The following CDHR3 variants were observed in gnomAD, a reference collection of about 807,000 sequenced individuals.
The protein encoded by CDHR3 is cadherin-related family member 3.
A neutral mutation model predicts 86.6 loss-of-function variants in CDHR3; 79 were observed. The observed-to-expected ratio is 0.91, with a 90% confidence interval of 0.76 to 1.10. The LOEUF (loss-of-function observed/expected upper bound fraction) is 1.10. Among genes scored for constraint, CDHR3 ranks in the 50% least tolerant of loss-of-function variants. The pLI is 0.00. For missense variants in CDHR3, 1,081 were observed against 1,077.6 expected (o/e 1.00, Z -0.04); for synonymous variants, 421 against 402.4 (o/e 1.05, Z -0.55).
chr7:105,965,481 G>A (rs2528888), intron 1 of CDHR3, among the ~76,000 whole-genome samples: 39,359 of 149,666 alleles, frequency 0.26, 5,795 homozygotes, highest in East Asian at 0.68. Flanking sequence ...CTCAAAATAA[G>A]TAAATAAATA....
intron 16 of CDHR3, 22 bp from the exon 17 acceptor site, chr7:106,028,529 C>G (rs1458096567): frequency 6.2e-7 from 1 of 1,613,778 alleles, no homozygotes. Flanking sequence ...AGCTTAACTT[C>G]TGCCTGTTCT....
chr7:106,012,822 T>C, intron 8 of CDHR3, 38 bp from the exon 9 acceptor site: 1 of 1,555,618 alleles, frequency 6.4e-7, no homozygotes, highest in Non-Finnish European at 8.7e-7. Flanking sequence ...TCGATTACCA[T>C]TTATTGGGGG....
At chr7:105,981,277 A>C in intron 3 of CDHR3, 144 bp downstream of exon 3, 1 of 759,062 alleles carries the variant, frequency 1.3e-6, no homozygotes, top group Non-Finnish European at 2.1e-6. Flanking sequence ...GAATAAATGA[A>C]ATGTCCTCCA....
At position 106,020,404 on chromosome 7, in the gene CDHR3, A is replaced by G. The variant is rs758389243; in HGVS notation, c.1685A>G (p.Glu562Gly). 50 of 1,613,436 alleles carry G rather than the reference A, an allele frequency of 3.1e-5. No homozygotes were observed. Among genetic ancestry groups the G allele is most frequent in the Non-Finnish European group, 4.1e-5 (48 of 1,179,676 alleles). Residue 562 changes from glutamate to glycine, a missense_variant, in exon 13 of 19, where the codon GAA becomes GGA. Physicochemically the swap from Glu to Gly is moderately conservative, Grantham distance 98. Coordinates refer to ENST00000317716, the MANE Select transcript of CDHR3 (RefSeq NM_152750.5). ...VTVNILEEND[E>G]KPICTPNSYF... is the part of the protein sequence containing the mutation. ...GTGAACATCCTTGAAGAAAATGATG[A>G]AAAGCCAATTTGTACTCCAAACTCT...
rs774421064 is a variant in CDHR3, at chr7:106,022,219, C to A, written c.1847C>A (p.Thr616Asn). The A allele has an allele frequency of 6.2e-7, 1 of 1,614,032 alleles. No individual in the cohort carries two copies. The highest frequency in any genetic ancestry group is 1.7e-5 in the Admixed American group (1 of 60,022). Residue 616 changes from threonine to asparagine, a missense_variant, in exon 14 of 19, where the codon ACC (threonine) becomes AAC (asparagine). Coordinates refer to ENST00000317716, the MANE Select transcript of CDHR3 (RefSeq NM_152750.5). ...IGPGNVNNHF[T>N]FSPNAGSNVT... is the part of the protein sequence containing the mutation. ...TTAGGTAACGTCAACAATCATTTCA[C>A]CTTCTCTCCCAATGCTGGTTCCAAT...
rs891768973 is a variant in CDHR3, at chr7:105,976,976, T to A, written c.249+1930T>A. ...AGGCTCCAAGGCACATTCACATACC[T>A]GATCTCTTTTTTTTTTTTTTTTTTG... On this transcript the variant is annotated intron_variant, in intron 2 of 18. Coordinates refer to ENST00000317716, the MANE Select transcript of CDHR3 (RefSeq NM_152750.5). Among the ~76,000 whole-genome samples, 3 of 145,042 alleles carry A rather than the reference T, an allele frequency of 2.1e-5. No homozygotes were observed. In the South Asian group the frequency reaches 6.5e-4, roughly 31 times the overall value.
intron 14 of CDHR3, 118 bp from the exon 15 acceptor site, chr7:106,024,263 C>T: frequency 2.3e-6 from 2 of 858,614 alleles, no homozygotes; most frequent in Non-Finnish European, 3.6e-6. Flanking sequence ...ACACAGATGT[C>T]CAACTTATAG....
At chr7:106,014,982 T>C (rs1448444971) in intron 9 of CDHR3, 129 bp from the exon 10 acceptor site, 1 of 651,976 alleles carries the variant, frequency 1.5e-6, no homozygotes, top group Non-Finnish European at 2.6e-6. Context: ...CTAATTTTTA[T>C]GGGCAAAGTG....
chr7:106,018,522 C>G (rs1007606350), intron 12 of CDHR3, among the ~76,000 whole-genome samples: 4 of 152,184 alleles, frequency 2.6e-5, no homozygotes, highest in African/African-American at 9.7e-5. Flanking sequence ...AGGCGTGAGC[C>G]ACTGCACCCA....
At chr7:105,981,936 A>G (rs1388142284) in intron 3 of CDHR3, among the ~76,000 whole-genome samples, 1 of 152,092 alleles carries the variant, frequency 6.6e-6, no homozygotes, top group Non-Finnish European at 1.5e-5. Flanking sequence ...CCAGCTTCTA[A>G]ATATACCCAG....
At chr7:105,974,215 C>T (rs1389903450) in intron 1 of CDHR3, among the ~76,000 whole-genome samples, 1 of 152,220 alleles carries the variant, frequency 6.6e-6, no homozygotes, top group African/African-American at 2.4e-5. Flanking sequence ...CATGCCATCC[C>T]TGAGCCTCTT....
rs912097151 is a variant in CDHR3 at position 106,032,796 on chromosome 7, T to C, written c.*99T>C. On this transcript the variant is annotated 3_prime_UTR_variant, in exon 19 of 19. Transcript: ENST00000317716. ...ATGGTGTAGGGGGGAAAATGTGGGC[T>C]GAGGGGATTCAGACATCCAGGGTCA... 3 of 1,289,988 alleles carry C rather than the reference T, an allele frequency of 2.3e-6. No homozygotes were observed. The highest frequency in any genetic ancestry group is 3.1e-6 in the Non-Finnish European group (3 of 953,428). 79.9% of individuals were successfully genotyped at this position (1,289,988 alleles called of 1,614,324 possible). A position where few individuals can be genotyped will look rare whatever the true frequency, so the allele number is the denominator to read the frequency against.
chr7:105,972,107 T>A (rs1395907116), intron 1 of CDHR3, among the ~76,000 whole-genome samples: 1 of 151,986 alleles, frequency 6.6e-6, no homozygotes, highest in Non-Finnish European at 1.5e-5. Context: ...TGGTATAATC[T>A]CAGATGTGTG....
chr7:105,968,860 G>A (rs1215007975), intron 1 of CDHR3, among the ~76,000 whole-genome samples: 2 of 151,970 alleles, frequency 1.3e-5, no homozygotes, highest in African/African-American at 4.8e-5. Context: ...AGGCTGAGAC[G>A]GGCAGATCAT....
At chr7:105,976,572 C>G (rs897290700) in intron 2 of CDHR3, among the ~76,000 whole-genome samples, 1 of 152,184 alleles carries the variant, frequency 6.6e-6, no homozygotes, top group Admixed American at 6.5e-5. Context: ...TTTCATCACC[C>G]CAAAACAAAA....
chr7:105,993,894 G>A (rs1831779820), intron 4 of CDHR3, among the ~76,000 whole-genome samples: 1 of 152,108 alleles, frequency 6.6e-6, no homozygotes, highest in South Asian at 2.1e-4. Context: ...TCAGATCAAG[G>A]AGATCTGGGC....
In CDHR3 at chr7:106,018,052, G is replaced by A. The variant is rs757473628; in HGVS notation, c.1633G>A (p.Glu545Lys). 16 of 1,613,590 alleles carry A rather than the reference G, an allele frequency of 9.9e-6. No homozygotes were observed. The highest frequency in any genetic ancestry group is 6.7e-5 in the Admixed American group (4 of 60,000). The change falls in exon 12 of 19, where the codon GAA becomes AAA. Residue 545 changes from glutamate to lysine, a missense_variant. Coordinates refer to ENST00000317716, the MANE Select transcript of CDHR3 (RefSeq NM_152750.5). ...TCTCAGAATCCAGGCCACCAACAAC[G>A]AAGACACAAGCTCTGTCACTGTGAG... is the stretch of plus-strand genomic sequence containing the variant. ...YILRIQATNN[E>K]DTSSVTVTVN...
chr7:105,971,808 G>A (rs956958840), intron 1 of CDHR3, among the ~76,000 whole-genome samples: 1 of 152,108 alleles, frequency 6.6e-6, no homozygotes, highest in Non-Finnish European at 1.5e-5. Context: ...TTCTACCTGA[G>A]CTCACACCAC....
In CDHR3 at chr7:105,974,994, A is replaced by G. The variant is rs1585515685; in HGVS notation, c.197A>G (p.Asn66Ser). The G allele has an allele frequency of 6.2e-7, 1 of 1,613,894 alleles. No individual in the cohort carries two copies. The highest frequency in any genetic ancestry group is 2.2e-5 in the East Asian group (1 of 44,870). ...GGATTTCCCCAGATAGTCAACTCAA[A>G]TCCCCTCACTGAAGCTTTTAGGGTG... The part of the protein sequence containing the change: ...IPGFPQIVNS[N>S]PLTEAFRVNW... The change falls in exon 2 of 19, where the codon AAT (asparagine) becomes AGT (serine). Residue 66 changes from asparagine (N) to serine (S), a missense_variant. Asn to Ser is a conservative substitution (Grantham distance 46, BLOSUM62 1). Coordinates refer to ENST00000317716, the MANE Select transcript of CDHR3 (RefSeq NM_152750.5).
Sources: gnomAD v4.1 joint callset for allele counts (sites outside exome capture counted in the v4.1 genomes callset) on GRCh38, gnomAD v4.1.1 for gene constraint, MANE v1.5 for transcripts, NCBI Gene and HGNC (gene_info 2026-07-23, HGNC 2026-07-21) for gene names.